Variants in PHF8 observed in about 807,000 individuals in gnomAD.
PHF8 encodes the protein PHD finger protein 8, also known as histone lysine demethylase PHF8.
PHF8 carries 9 observed loss-of-function variants against 74.4 expected under a neutral mutation model. That is an observed-to-expected ratio of 0.12 (90% CI 0.07 to 0.21). The LOEUF is 0.21. PHF8 is among the 10% of genes least tolerant of loss of function. The pLI, the probability that PHF8 is intolerant of heterozygous loss-of-function variation, is 1.00. For synonymous variants in PHF8, 311 were observed against 316.6 expected, an observed-to-expected ratio of 0.98 and a Z score of 0.19; for missense variants, 478 against 816.6, an observed-to-expected ratio of 0.59 and a Z score of 5.05.
At chrX:53,972,321 C>CA (rs1236817498) in intron 18 of PHF8, among the ~76,000 whole-genome samples, 5,141 of 33,591 alleles carry the variant, frequency 0.15, 376 homozygotes, top group African/African-American at 0.23. Flanking sequence ...GACGCTGTCT[C>CA]AAAAAAAAAA....
In PHF8 at chrX:53,993,824, A is replaced by G. The variant is rs782041523; in HGVS notation, c.1403T>C (p.Leu468Pro). Residue 468 changes from leucine (L) to proline (P), a missense_variant, in exon 13 of 22, where the codon CTA becomes CCA. Coordinates refer to ENST00000338154, the MANE Select transcript of PHF8 (RefSeq NM_015107.3). ...TGAAGTGGAATGGGCTGGCCTGGTT[A>G]GGGGAATGGAGCCGGCTGGGAAGAT... ...QRIFPAGSIP[L>P]TRPAHSTSVS... 5 of 1,204,856 alleles carry G rather than the reference A, an allele frequency of 4.1e-6. No homozygotes were observed. In the African/African-American group the frequency reaches 8.7e-5, roughly 21 times the overall value.
chrX:53,976,414 T>C (rs2065377247), intron 18 of PHF8, among the ~76,000 whole-genome samples: 1 of 109,929 alleles, frequency 9.1e-6, no homozygotes, highest in Non-Finnish European at 1.9e-5. Context: ...AAGAATAAAA[T>C]AAAACTACAG....
rs782322711 is a variant in PHF8 at position 53,938,414 on chromosome X, T to G, written c.*744A>C. On this transcript the variant is annotated 3_prime_UTR_variant, in exon 22 of 22. Coordinates refer to ENST00000338154, the MANE Select transcript of PHF8 (RefSeq NM_015107.3). ...ACCCTAAAACAAGTGGCCTCATGTG[T>G]AGCCAGCTAAAAGTAGCTTCCTCCA... 16 of 810,384 alleles carry G rather than the reference T, an allele frequency of 2.0e-5. No individual in the cohort carries two copies. Among genetic ancestry groups the G allele is most frequent in the Non-Finnish European group, 2.4e-5 (16 of 675,445 alleles). The allele number at this position is 810,384 out of a possible 1,213,427, so 66.8% of individuals were successfully genotyped here. A position where few individuals can be genotyped will look rare whatever the true frequency, so the allele number is the denominator to read the frequency against.
chrX:54,043,316 C>G (rs970087729), intron 1 of PHF8: 4 of 129,751 alleles, frequency 3.1e-5, no homozygotes, highest in African/African-American at 1.3e-4. Flanking sequence ...CTTCAGGTTA[C>G]TCAAAGCCTT....
intron 18 of PHF8, among the ~76,000 whole-genome samples, chrX:53,982,195 C>T (rs1557098197): frequency 8.9e-6 from 1 of 111,914 alleles, no homozygotes; most frequent in Non-Finnish European, 1.9e-5. Context: ...GCCAGGGGAA[C>T]CTGGCATGTC....
intron 19 of PHF8, among the ~76,000 whole-genome samples, chrX:53,959,596 G>A (rs1557090011): frequency 2.7e-5 from 3 of 110,584 alleles, no homozygotes; most frequent in East Asian, 5.7e-4. Flanking sequence ...AAGAGAGATT[G>A]ACGGCCTGTA....
At chrX:53,985,699 C>T (rs1557099333) in intron 17 of PHF8, 117 bp downstream of exon 17, 1 of 1,140,288 alleles carries the variant, frequency 8.8e-7, no homozygotes, top group East Asian at 3.2e-5. Flanking sequence ...CTGGATAATT[C>T]TTTGTCCCTT....
intron 8 of PHF8, among the ~76,000 whole-genome samples, chrX:54,008,140 A>G (rs948642311): frequency 2.7e-5 from 3 of 110,813 alleles, no homozygotes; most frequent in Non-Finnish European, 5.7e-5. Context: ...AGGCTGAGGC[A>G]GACAGATCAC....
intron 18 of PHF8, among the ~76,000 whole-genome samples, chrX:53,968,048 C>T (rs1449266732): frequency 1.9e-5 from 2 of 103,826 alleles, no homozygotes; most frequent in African/African-American, 3.7e-5. Context: ...GCTGACCTTC[C>T]CTCCACTATT....
chrX:54,022,607 G>A (rs781796435), intron 3 of PHF8, 151 bp downstream of exon 3: 103 of 491,691 alleles, frequency 2.1e-4, no homozygotes, highest in Non-Finnish European at 3.4e-4. Flanking sequence ...AGTGAGATAG[G>A]TGCTGGCCTG....
intron 19 of PHF8, among the ~76,000 whole-genome samples, chrX:53,956,896 G>T (rs1557088887): frequency 5.4e-5 from 6 of 111,346 alleles, no homozygotes; most frequent in Non-Finnish European, 1.9e-5. Flanking sequence ...ACTGTTGTTT[G>T]CTTATGAATT....
Position 53,938,339 on chromosome X carries a change from G to A in PHF8, c.*819C>T, listed in dbSNP as rs1603298240. The A allele has an allele frequency of 9.2e-6, 9 of 976,431 alleles. No individual in the cohort carries two copies. Among genetic ancestry groups the A allele is most frequent in the Admixed American group, 4.6e-5 (1 of 21,783 alleles). The allele number at this position is 976,431 out of a possible 1,213,427, so 80.5% of individuals were successfully genotyped here. A position where few individuals can be genotyped will look rare whatever the true frequency, so the allele number is the denominator to read the frequency against. On this transcript the variant is annotated 3_prime_UTR_variant, in exon 22 of 22. Coordinates refer to ENST00000338154, the MANE Select transcript of PHF8 (RefSeq NM_015107.3). Reference sequence around the variant, plus strand: ...CAGCCACAGCCACAGCCACAGCCACGTGGATAATGTTCTACATGATTTCAA... The same window carrying A: ...CAGCCACAGCCACAGCCACAGCCACATGGATAATGTTCTACATGATTTCAA...
At chrX:54,039,208 A>C (rs1168664730) in intron 2 of PHF8, among the ~76,000 whole-genome samples, 1 of 110,799 alleles carries the variant, frequency 9.0e-6, no homozygotes, top group Non-Finnish European at 1.9e-5. Flanking sequence ...CTGTGGATTT[A>C]AAATTTGTTG....
intron 19 of PHF8, among the ~76,000 whole-genome samples, chrX:53,946,409 C>CA (rs1373835339): frequency 1.8e-5 from 2 of 112,439 alleles, no homozygotes; most frequent in African/African-American, 6.4e-5. Context: ...GCAAGCCATT[C>CA]ATATTACTTT....
intron 19 of PHF8, among the ~76,000 whole-genome samples, chrX:53,954,410 G>T (rs1247171629): frequency 7.4e-5 from 7 of 95,097 alleles, no homozygotes; most frequent in African/African-American, 2.8e-4. Context: ...TGAGGCAGGA[G>T]AATGACGTGA....
chrX:53,952,284 A>G (rs1557087153), intron 19 of PHF8, among the ~76,000 whole-genome samples: 2 of 78,912 alleles, frequency 2.5e-5, no homozygotes, highest in East Asian at 6.0e-4. Flanking sequence ...ACTCTGTCTC[A>G]AAAAAAAAAA....
At chrX:54,042,908 C>T in intron 1 of PHF8, 88 bp from the exon 2 acceptor site, 2 of 725,423 alleles carry the variant, frequency 2.8e-6, no homozygotes, top group East Asian at 3.8e-5. Context: ...ATAGAGTTAC[C>T]GCCGCCGGGA....
intron 12 of PHF8, chrX:53,995,007 T>C (rs1030354855): frequency 3.7e-6 from 1 of 272,533 alleles, no homozygotes; most frequent in Non-Finnish European, 7.2e-6. Context: ...TATTAGCTTT[T>C]GATCCTAACA....
chrX:53,989,138 A>AT (rs1249617693), intron 14 of PHF8, among the ~76,000 whole-genome samples: 3 of 109,562 alleles, frequency 2.7e-5, no homozygotes, highest in Non-Finnish European at 5.7e-5. Flanking sequence ...AATTTTTATG[A>AT]TTTTAGTAGA....
Sources: allele counts gnomAD v4.1 joint callset (sites outside exome capture counted in the v4.1 genomes callset), GRCh38; gene constraint gnomAD v4.1.1; transcripts MANE v1.5; gene names NCBI Gene and HGNC (gene_info 2026-07-23, HGNC 2026-07-21).